The following ZMAT4 variants were observed in gnomAD, a reference collection of about 807,000 sequenced individuals.
ZMAT4 encodes zinc finger matrin-type 4.
A neutral mutation model predicts 28.7 loss-of-function variants in ZMAT4; 17 were observed. That is an observed-to-expected ratio of 0.59 (90% CI 0.41 to 0.89). The LOEUF (loss-of-function observed/expected upper bound fraction) is 0.89. ZMAT4 is among the 40% of genes least tolerant of loss of function. The probability of loss-of-function intolerance (pLI) is 0.00; values close to 1 mark genes in which losing one functional copy is unlikely to be tolerated. For synonymous variants in ZMAT4, 117 were observed against 109.2 expected (o/e 1.07, Z -0.44); for missense variants, 240 against 283.8 (o/e 0.85, Z 1.11).
chr8:40,788,030 G>T (rs1372854911), intron 2 of ZMAT4, among the ~76,000 whole-genome samples: 1 of 152,016 alleles, frequency 6.6e-6, no homozygotes, highest in Non-Finnish European at 1.5e-5. Context: ...AACAAAAATA[G>T]AAATACAAAA....
intron 5 of ZMAT4, among the ~76,000 whole-genome samples, chr8:40,635,588 A>G (rs1412019612): frequency 6.6e-6 from 1 of 152,238 alleles, no homozygotes; most frequent in Non-Finnish European, 1.5e-5. Flanking sequence ...TAGAGGTACA[A>G]TAAATATGTA....
chr8:40,747,835 C>T (rs2150543152), intron 3 of ZMAT4, among the ~76,000 whole-genome samples: 1 of 152,190 alleles, frequency 6.6e-6, no homozygotes, highest in South Asian at 2.1e-4. Context: ...CTAATGCCAA[C>T]CAGTGACCTT....
intron 3 of ZMAT4, among the ~76,000 whole-genome samples, chr8:40,715,104 T>G (rs542697664): frequency 2.5e-4 from 36 of 146,128 alleles, no homozygotes; most frequent in Admixed American, 2.7e-4. Flanking sequence ...GACCTCGCTA[T>G]GGAAGGGACT....
intron 1 of ZMAT4, among the ~76,000 whole-genome samples, chr8:40,847,739 C>T (rs1480419792): frequency 1.3e-5 from 2 of 152,120 alleles, no homozygotes; most frequent in Non-Finnish European, 2.9e-5. Context: ...AATGAAGGCA[C>T]CTGCAGAGGT....
chr8:40,749,800 T>C (rs1812383578), intron 3 of ZMAT4, among the ~76,000 whole-genome samples: 1 of 152,196 alleles, frequency 6.6e-6, no homozygotes, highest in Non-Finnish European at 1.5e-5. Flanking sequence ...AAAAAGGTGC[T>C]AGATTTAGGT....
intron 5 of ZMAT4, among the ~76,000 whole-genome samples, chr8:40,673,145 C>T (rs945642368): frequency 6.6e-5 from 10 of 152,242 alleles, no homozygotes; most frequent in African/African-American, 2.4e-4. Flanking sequence ...AGCTTGTTTC[C>T]TGACCTTTGC....
Position 40,662,807 on chromosome 8 carries a change from C to G in ZMAT4, c.577+11897G>C, listed in dbSNP as rs115176161. Among the ~76,000 whole-genome samples the G allele has an allele frequency of 3.6e-3, 544 of 152,250 alleles. 2 individuals are homozygous for G. Among genetic ancestry groups the G allele is most frequent in the African/African-American group, 0.012 (514 of 41,530 alleles). On this transcript the variant is annotated intron_variant, in intron 5 of 6. Coordinates refer to ENST00000297737, the MANE Select transcript of ZMAT4 (RefSeq NM_024645.3). ...GGAAACGTTGACCTTGTCAAGGTGT[C>G]TTTGAGAATTCTAATGTACAGGCTC...
At chr8:40,744,803 T>A (rs1812150451) in intron 3 of ZMAT4, among the ~76,000 whole-genome samples, 1 of 152,198 alleles carries the variant, frequency 6.6e-6, no homozygotes, top group Non-Finnish European at 1.5e-5. Context: ...TTTCAACTAA[T>A]GTCAAACAAA....
chr8:40,809,167 C>A (rs1002359290), intron 2 of ZMAT4, among the ~76,000 whole-genome samples: 1 of 152,156 alleles, frequency 6.6e-6, no homozygotes, highest in Non-Finnish European at 1.5e-5. Context: ...ATGAATGTTG[C>A]TGAAGGCCAT....
chr8:40,826,359 T>C (rs1816041171), intron 1 of ZMAT4, among the ~76,000 whole-genome samples: 1 of 152,190 alleles, frequency 6.6e-6, no homozygotes, highest in South Asian at 2.1e-4. Flanking sequence ...AAAATTTGTT[T>C]TAAAATATGT....
chr8:40,797,044 C>T (rs1814629136), intron 2 of ZMAT4, among the ~76,000 whole-genome samples: 1 of 152,210 alleles, frequency 6.6e-6, no homozygotes, highest in Non-Finnish European at 1.5e-5. Context: ...CTCTGTGCTC[C>T]AGCAAAGCTA....
At chr8:40,532,895 G>T (rs185307130) in intron 6 of ZMAT4, among the ~76,000 whole-genome samples, 1 of 151,552 alleles carries the variant, frequency 6.6e-6, no homozygotes, top group Non-Finnish European at 1.5e-5. Flanking sequence ...TCAGGAGGCT[G>T]AAGCAGGAGA....
chr8:40,895,991 G>A (rs574286921), intron 1 of ZMAT4, among the ~76,000 whole-genome samples: 1 of 152,102 alleles, frequency 6.6e-6, no homozygotes, highest in Non-Finnish European at 1.5e-5. Flanking sequence ...ATTATAATTG[G>A]CAGGGCTGCA....
At chr8:40,704,448 C>T (rs1175419335) in intron 3 of ZMAT4, among the ~76,000 whole-genome samples, 4 of 152,190 alleles carry the variant, frequency 2.6e-5, no homozygotes, top group Admixed American at 1.3e-4. Flanking sequence ...TATTTCAAGA[C>T]GTCTGCAAAT....
chr8:40,569,829 G>A (rs553677533), intron 6 of ZMAT4, among the ~76,000 whole-genome samples: 48 of 152,236 alleles, frequency 3.2e-4, no homozygotes, highest in Non-Finnish European at 5.4e-4. Flanking sequence ...CTAGGCCACC[G>A]TGCAGTAAAG....
intron 5 of ZMAT4, among the ~76,000 whole-genome samples, chr8:40,637,580 T>C (rs571982041): frequency 6.6e-6 from 1 of 152,324 alleles, no homozygotes; most frequent in East Asian, 1.9e-4. Flanking sequence ...AATTCCCCAA[T>C]GCCATATTAA....
At chr8:40,723,103 A>G (rs951684423) in intron 3 of ZMAT4, among the ~76,000 whole-genome samples, 4 of 152,208 alleles carry the variant, frequency 2.6e-5, no homozygotes, top group Non-Finnish European at 4.4e-5. Context: ...TGAGAAACTA[A>G]CCAGTGCTTA....
chr8:40,554,027 T>C (rs919028307), intron 6 of ZMAT4, among the ~76,000 whole-genome samples: 2 of 152,140 alleles, frequency 1.3e-5, no homozygotes, highest in African/African-American at 4.8e-5. Context: ...GTACAGGTAT[T>C]ATACATATAC....
At position 40,826,251 on chromosome 8, in the gene ZMAT4, C is replaced by T. The variant is rs190159775; in HGVS notation, c.-4-571G>A. ...ATCATCACACTAGAAAACTATGTGG[C>T]TTCCAAATCCAAATTCAGATAAATT... On this transcript the variant is annotated intron_variant, in intron 1 of 6. Coordinates refer to ENST00000297737, the MANE Select transcript of ZMAT4 (RefSeq NM_024645.3). Among the ~76,000 whole-genome samples the T allele has an allele frequency of 1.4e-3, 210 of 152,276 alleles. 1 individual carries two copies. Among genetic ancestry groups the T allele is most frequent in the Admixed American group, 0.011 (171 of 15,294 alleles).
Sources: gnomAD v4.1 joint callset for allele counts (sites outside exome capture counted in the v4.1 genomes callset) on GRCh38, gnomAD v4.1.1 for gene constraint, MANE v1.5 for transcripts, NCBI Gene and HGNC (gene_info 2026-07-23, HGNC 2026-07-21) for gene names.